EFCAB11: variants seen among roughly 807,000 people sequenced by gnomAD.
EFCAB11 encodes EF-hand calcium binding domain 11, also known as EF-hand calcium-binding domain-containing protein 11.
Under a neutral mutation model 23.0 loss-of-function variants are expected in EFCAB11, and 14 were observed. The observed-to-expected ratio is 0.61, with a 90% CI of 0.40 to 0.95. The LOEUF is 0.95. Among genes scored for constraint, EFCAB11 ranks in the 40% least tolerant of loss-of-function variants. The pLI, the probability that EFCAB11 is intolerant of heterozygous loss-of-function variation, is 0.00. For missense variants in EFCAB11, 198 were observed against 195.8 expected, an observed-to-expected ratio of 1.01 and a Z score of -0.07; for synonymous variants, 65 against 66.6, an observed-to-expected ratio of 0.98 and a Z score of 0.11.
At chr14:89,883,102 G>A (rs922344200) in intron 5 of EFCAB11, among the ~76,000 whole-genome samples, 3 of 151,922 alleles carry the variant, frequency 2.0e-5, no homozygotes, top group African/African-American at 2.4e-5. Context: ...GATGCAAAAC[G>A]CCCAATCTTG....
intron 5 of EFCAB11, among the ~76,000 whole-genome samples, chr14:89,899,916 A>G (rs566044468): frequency 2.0e-5 from 3 of 152,332 alleles, no homozygotes; most frequent in African/African-American, 7.2e-5. Flanking sequence ...AACTGCTGAT[A>G]TGAATACACT....
chr14:89,811,900 C>T (rs1278952818), intron 5 of EFCAB11, among the ~76,000 whole-genome samples: 1 of 152,114 alleles, frequency 6.6e-6, no homozygotes, highest in African/African-American at 2.4e-5. Context: ...AATTTAGTTT[C>T]GGATATTTAA....
chr14:89,869,278 A>T (rs1888193639), intron 5 of EFCAB11, among the ~76,000 whole-genome samples: 1 of 152,114 alleles, frequency 6.6e-6, no homozygotes, highest in African/African-American at 2.4e-5. Context: ...GTTAAATCCC[A>T]CTTATTAGAA....
At chr14:89,803,014 A>G (rs1885838653) in intron 5 of EFCAB11, among the ~76,000 whole-genome samples, 1 of 152,092 alleles carries the variant, frequency 6.6e-6, no homozygotes, top group Non-Finnish European at 1.5e-5. Flanking sequence ...GCATTGCAGG[A>G]CGTTTGGCAG....
intron 5 of EFCAB11, among the ~76,000 whole-genome samples, chr14:89,917,053 C>CGTGTGT (rs71107570): frequency 0.01 from 1,370 of 136,708 alleles, 34 homozygotes; most frequent in African/African-American, 0.02. Context: ...TGACATGCTT[C>CGTGTGT]GTGTGTGTGT....
At chr14:89,874,500 C>A (rs1052318680) in intron 5 of EFCAB11, among the ~76,000 whole-genome samples, 1 of 152,224 alleles carries the variant, frequency 6.6e-6, no homozygotes, top group African/African-American at 2.4e-5. Flanking sequence ...ATTGCACTGT[C>A]ATGCTGCAGA....
chr14:89,826,269 G>A (rs1421502356), intron 5 of EFCAB11, among the ~76,000 whole-genome samples: 1 of 152,068 alleles, frequency 6.6e-6, no homozygotes, highest in East Asian at 1.9e-4. Flanking sequence ...TTGAAGGTTT[G>A]CTTTAAATAG....
At chr14:89,804,059 C>A (rs1225948323) in intron 5 of EFCAB11, among the ~76,000 whole-genome samples, 1 of 152,204 alleles carries the variant, frequency 6.6e-6, no homozygotes, top group Admixed American at 6.5e-5. Flanking sequence ...GTGCCCGTCC[C>A]ACGCTATGCA....
intron 5 of EFCAB11, among the ~76,000 whole-genome samples, chr14:89,819,351 G>A (rs1886432488): frequency 6.6e-6 from 1 of 152,136 alleles, no homozygotes; most frequent in African/African-American, 2.4e-5. Flanking sequence ...GAAGAGGGAA[G>A]GGGGAACAGG....
intron 1 of EFCAB11, 106 bp from the exon 2 acceptor site, chr14:89,954,107 G>A: frequency 3.0e-6 from 3 of 989,370 alleles, no homozygotes; most frequent in East Asian, 2.6e-5. Flanking sequence ...TGGCCCAGCG[G>A]TAGAGTATGA....
intron 5 of EFCAB11, among the ~76,000 whole-genome samples, chr14:89,842,599 TATGATATG>T (rs1194668398): frequency 3.9e-5 from 1 of 25,524 alleles, no homozygotes; most frequent in African/African-American, 1.3e-4. Context: ...TATGATATAA[TATGATATG>T]ATATGATATG....
At chr14:89,849,240 T>G (rs975061944) in intron 5 of EFCAB11, among the ~76,000 whole-genome samples, 1 of 152,230 alleles carries the variant, frequency 6.6e-6, no homozygotes, top group East Asian at 1.9e-4. Context: ...CAACCTAGAA[T>G]GTCTATCCCT....
intron 5 of EFCAB11, among the ~76,000 whole-genome samples, chr14:89,836,118 T>A (rs550494658): frequency 6.6e-6 from 1 of 151,680 alleles, no homozygotes; most frequent in Non-Finnish European, 1.5e-5. Context: ...AAGAAGGGAG[T>A]ACCACAAGAG....
intron 5 of EFCAB11, among the ~76,000 whole-genome samples, chr14:89,921,196 A>G (rs976406086): frequency 1.3e-5 from 2 of 152,190 alleles, no homozygotes; most frequent in African/African-American, 2.4e-5. Flanking sequence ...AACCTGCCAT[A>G]AACAAAAATG....
chr14:89,798,400 C>T (rs1885646761), intron 5 of EFCAB11, among the ~76,000 whole-genome samples: 2 of 152,230 alleles, frequency 1.3e-5, no homozygotes, highest in South Asian at 4.1e-4. Context: ...TGATTTCATG[C>T]TACACAGGAC....
chr14:89,952,207 T>C (rs1035010456), intron 2 of EFCAB11, among the ~76,000 whole-genome samples: 5 of 152,346 alleles, frequency 3.3e-5, no homozygotes, highest in African/African-American at 1.2e-4. Flanking sequence ...GGTTACTAAA[T>C]AGTTCATTTG....
intron 5 of EFCAB11, among the ~76,000 whole-genome samples, chr14:89,831,814 T>C (rs1886894133): frequency 6.6e-6 from 1 of 152,236 alleles, no homozygotes. Flanking sequence ...GCTTGCTTCA[T>C]ATATAAGCAA....
intron 1 of EFCAB11, 37 bp downstream of exon 1, chr14:89,954,549 C>G: frequency 3.7e-6 from 6 of 1,609,678 alleles, no homozygotes; most frequent in Non-Finnish European, 5.1e-6. Context: ...CCAGGCCAAG[C>G]TGAAGTCCGA....
intron 5 of EFCAB11, among the ~76,000 whole-genome samples, chr14:89,814,660 C>A (rs1169798710): frequency 6.6e-6 from 1 of 151,560 alleles, no homozygotes; most frequent in African/African-American, 2.4e-5. Flanking sequence ...GCTGAGATCA[C>A]GCCATTGCAC....
Sources: gnomAD v4.1 joint callset for allele counts (sites outside exome capture counted in the v4.1 genomes callset) on GRCh38, gnomAD v4.1.1 for gene constraint, MANE v1.5 for transcripts, NCBI Gene and HGNC (gene_info 2026-07-23, HGNC 2026-07-21) for gene names.